Variants in ITGA3 observed in about 807,000 individuals in gnomAD.
ITGA3 encodes the protein integrin alpha-3.
In ITGA3, 70 loss-of-function variants were observed where a neutral mutation model predicts 131.1. The observed-to-expected ratio is 0.53, with a 90% CI of 0.44 to 0.65. The LOEUF is 0.65. Among genes scored for constraint, ITGA3 ranks in the 30% least tolerant of loss-of-function variants. The pLI is 0.00. For missense variants in ITGA3, 1,098 were observed against 1,388.6 expected (o/e 0.79, Z 3.33); for synonymous variants, 537 against 571.6 (o/e 0.94, Z 0.86).
At chr17:50,057,007 C>A (rs1457875632) in intron 1 of ITGA3, among the ~76,000 whole-genome samples, 2 of 152,174 alleles carry the variant, frequency 1.3e-5, no homozygotes, top group African/African-American at 4.8e-5. Context: ...AGATAAACAC[C>A]CAGCGGACTC....
chr17:50,074,070 C>T (rs1002618031), intron 8 of ITGA3, 66 bp downstream of exon 8: 1 of 1,550,880 alleles, frequency 6.4e-7, no homozygotes. Context: ...TGCTTTCCTT[C>T]ACCCAACCCT....
rs1007862621 is a variant in ITGA3, at chr17:50,077,551, C to T, written c.2139+104C>T. The T allele has an allele frequency of 4.4e-6, 4 of 910,908 alleles. No homozygotes were observed. The African/African-American group carries it at 4.9e-5, about 11-fold the overall frequency. The allele number at this position is 910,908 out of a possible 1,614,324, so 56.4% of individuals were successfully genotyped here. ...TGCCTGCCTGCTTTCTGGGCTCCCT[C>T]GAAGTGGAGAGCCACAGTGCGGGAG... On this transcript the variant is annotated intron_variant, in intron 16 of 25. Coordinates refer to ENST00000320031, the MANE Select transcript of ITGA3 (RefSeq NM_002204.4).
rs188488595 is a variant in ITGA3, at chr17:50,079,873, G to T, written c.2706+316G>T. Among the ~76,000 whole-genome samples the T allele has an allele frequency of 1.4e-3, 209 of 152,330 alleles. 1 individual carries two copies. The highest frequency in any genetic ancestry group is 4.9e-3 in the African/African-American group (205 of 41,576). ...GGCGGTGTCGGGCAGGGCAATGGTG[G>T]GTGGTGCGTGTGCCCTCTGCAGGAA... On this transcript the variant is annotated intron_variant, in intron 21 of 25. Coordinates refer to ENST00000320031, the MANE Select transcript of ITGA3 (RefSeq NM_002204.4).
At chr17:50,061,516 C>T (rs997522550) in intron 1 of ITGA3, among the ~76,000 whole-genome samples, 3 of 142,344 alleles carry the variant, frequency 2.1e-5, no homozygotes, top group Middle Eastern at 3.4e-3. Flanking sequence ...CACTGAGGCC[C>T]GGACCCCTTA....
chr17:50,074,728 G>A (rs1908803193), intron 10 of ITGA3, among the ~76,000 whole-genome samples, 194 bp downstream of exon 10: 1 of 152,192 alleles, frequency 6.6e-6, no homozygotes, highest in Admixed American at 6.5e-5. Flanking sequence ...TGAAGTCGGG[G>A]GCAGTAGAGT....
intron 4 of ITGA3, among the ~76,000 whole-genome samples, chr17:50,070,438 G>T (rs546971154): frequency 6.6e-6 from 1 of 152,116 alleles, no homozygotes; most frequent in Non-Finnish European, 1.5e-5. Context: ...TTGAGGCCAG[G>T]AGTTTGAGAC....
intron 23 of ITGA3, among the ~76,000 whole-genome samples, chr17:50,083,583 G>A (rs1293635999): frequency 1.3e-5 from 2 of 151,832 alleles, no homozygotes; most frequent in African/African-American, 4.8e-5. Flanking sequence ...AATTAGCTGG[G>A]TGTGGTGGTG....
chr17:50,076,815 A>G (rs1338164005), intron 14 of ITGA3, 134 bp downstream of exon 14: 1 of 1,169,866 alleles, frequency 8.5e-7, no homozygotes, highest in Non-Finnish European at 1.3e-6. Context: ...TGGGATGGTC[A>G]GAAACGGGGC....
In ITGA3 at chr17:50,064,418, C is replaced by T; in HGVS notation, c.335-110C>T. 8.3e-7 allele frequency: 1 copy of T among 1,197,690 alleles called. No individual in the cohort carries two copies. The highest frequency in any genetic ancestry group is 1.2e-6 in the Non-Finnish European group (1 of 849,572). The allele number at this position is 1,197,690 out of a possible 1,614,324, so 74.2% of individuals were successfully genotyped here. On this transcript the variant is annotated intron_variant, in intron 2 of 25. Transcript: ENST00000320031. This position sits in a 1 kb window ranked among gnomAD's most constrained non-coding sequence, Gnocchi z 4.4. Reference sequence around the variant, plus strand: ...AGCTGGAGAAGGGGAGTTGGGAGGGCTGCCCTGTGGGTGGAGGGCCCAAGC... The same window carrying T: ...AGCTGGAGAAGGGGAGTTGGGAGGGTTGCCCTGTGGGTGGAGGGCCCAAGC...
In ITGA3 at chr17:50,079,528, G is replaced by A. The variant is rs1225827838; in HGVS notation, c.2677G>A (p.Ala893Thr). 1.3e-6 allele frequency: 2 copies of A among 1,558,728 alleles called. No individual in the cohort carries two copies. The highest frequency in any genetic ancestry group is 4.0e-5 in the Admixed American group (2 of 50,052). ...QGPPPVTLAA[A>T]KKAKSETVLT... The stretch of plus-strand genomic sequence containing the variant: ...CCCCCCACCTGTCACTCTGGCTGCT[G>A]CCAAAAAAGCCAAGTCTGAGACTGT... Residue 893 changes from alanine (A) to threonine (T), a missense_variant, in exon 21 of 26, where the codon GCC (alanine) becomes ACC (threonine). Coordinates refer to ENST00000320031, the MANE Select transcript of ITGA3 (RefSeq NM_002204.4).
chr17:50,074,063 T>C (rs1908763160), intron 8 of ITGA3, 59 bp downstream of exon 8: 1 of 1,556,246 alleles, frequency 6.4e-7, no homozygotes, highest in African/African-American at 1.4e-5. Context: ...CCTTCCTTGC[T>C]TTCCTTCACC....
intron 3 of ITGA3, among the ~76,000 whole-genome samples, chr17:50,066,850 T>C (rs879926): frequency 0.22 from 33,713 of 152,090 alleles, 4,646 homozygotes; most frequent in African/African-American, 0.35. Flanking sequence ...TTTTTACAAA[T>C]GTATGTACCT....
intron 24 of ITGA3, 126 bp downstream of exon 24, chr17:50,087,995 C>T: frequency 1.5e-6 from 2 of 1,347,352 alleles, no homozygotes; most frequent in Middle Eastern, 2.7e-4. Context: ...TCCCTGTCCT[C>T]TCCACCTTCT....
chr17:50,080,470 GTGTGT>G, intron 22 of ITGA3, 95 bp downstream of exon 22: 2 of 227,202 alleles, frequency 8.8e-6, no homozygotes, highest in Admixed American at 6.2e-5. Flanking sequence ...ATGGGTGTGT[GTGTGT>G]GTGTGTGTGT....
intron 22 of ITGA3, chr17:50,081,101 C>T: frequency 1.9e-6 from 1 of 538,584 alleles, no homozygotes; most frequent in Non-Finnish European, 3.3e-6. Flanking sequence ...CCCCAGCATC[C>T]AGCACAGGAC....
At chr17:50,061,363 C>G (rs942840862) in intron 1 of ITGA3, among the ~76,000 whole-genome samples, 6 of 152,002 alleles carry the variant, frequency 3.9e-5, no homozygotes, top group African/African-American at 1.5e-4. Flanking sequence ...AGTCCCTTAG[C>G]CCCTTCCTGG....
At chr17:50,066,317 TC>T (rs1908343820) in intron 3 of ITGA3, among the ~76,000 whole-genome samples, 2 of 143,736 alleles carry the variant, frequency 1.4e-5, no homozygotes. Context: ...TCTTTTTCTT[TC>T]TTTTTTTTTT....
chr17:50,057,831 G>T (rs1197129390), intron 1 of ITGA3, among the ~76,000 whole-genome samples: 1 of 152,162 alleles, frequency 6.6e-6, no homozygotes, highest in East Asian at 1.9e-4. Context: ...TCCAAACTCT[G>T]CCCCCGCCTT....
At chr17:50,080,184 G>C in intron 21 of ITGA3, 78 bp from the exon 22 acceptor site, 1 of 840,752 alleles carries the variant, frequency 1.2e-6, no homozygotes, top group Non-Finnish European at 1.9e-6. Context: ...GCCTGGAAGG[G>C]GCGGGAGGTA....
Sources: gnomAD v4.1 joint callset for allele counts (sites outside exome capture counted in the v4.1 genomes callset) on GRCh38, gnomAD v4.1.1 for gene constraint, Gnocchi (gnomAD v3.1) non-coding constraint, MANE v1.5 for transcripts, NCBI Gene and HGNC (gene_info 2026-07-23, HGNC 2026-07-21) for gene names.